The following ADH1B variants were observed in gnomAD, a reference collection of about 807,000 sequenced individuals.
ADH1B encodes alcohol dehydrogenase 1B (class I), beta polypeptide.
Under a neutral mutation model 34.6 loss-of-function variants are expected in ADH1B, and 29 were observed. The ratio of observed to expected loss-of-function variants is 0.84; its 90% CI spans 0.62 to 1.14. The LOEUF (loss-of-function observed/expected upper bound fraction) is 1.14, where lower values mean the gene tolerates loss of function less well. Among genes scored for constraint, ADH1B ranks in the 50% most tolerant of loss-of-function variants. ADH1B has a pLI of 0.00. For missense variants in ADH1B, 424 were observed against 468.4 expected, an observed-to-expected ratio of 0.91 and a Z score of 0.87; for synonymous variants, 170 against 175.5, an observed-to-expected ratio of 0.97 and a Z score of 0.25.
intron 1 of ADH1B, 163 bp from the exon 2 acceptor site, chr4:99,319,049 C>A (rs1733957884): frequency 2.4e-6 from 2 of 837,336 alleles, no homozygotes; most frequent in Admixed American, 1.8e-5. Flanking sequence ...ATAAAAGTAT[C>A]TTTTAAAAAG....
intron 5 of ADH1B, chr4:99,315,662 G>A: frequency 1.7e-6 from 1 of 588,402 alleles, no homozygotes; most frequent in Non-Finnish European, 3.0e-6. Context: ...CCCATAAACA[G>A]CAAATTCAGA....
At chr4:99,321,060 G>T in intron 1 of ADH1B, 1 of 592,958 alleles carries the variant, frequency 1.7e-6, no homozygotes, top group Non-Finnish European at 2.5e-6. Context: ...TCATTTTACT[G>T]TAAATTTATT....
intron 6 of ADH1B, chr4:99,313,601 T>C: frequency 1.3e-6 from 1 of 755,416 alleles, no homozygotes; most frequent in Non-Finnish European, 2.0e-6. Context: ...AACCCTTTTC[T>C]TTTCCTCTAG....
chr4:99,315,927 C>A lies in ADH1B; in HGVS notation c.538G>T (p.Gly180Cys). The change falls in exon 5 of 9, where the codon GGT (glycine) becomes TGT (cysteine). Residue 180 changes from glycine to cysteine, a missense_variant. Physicochemically the swap from Gly to Cys is radical, Grantham distance 159. This residue lies in a region of ADH1B where 291 missense variants were observed against 300.4 expected (regional missense o/e 0.97). Coordinates refer to ENST00000305046, the MANE Select transcript of ADH1B (RefSeq NM_000668.6). ...VCLIGCGFST[G>C]YGSAVNVAKV... ...GCAACGTTAACTGCAGACCCATAAC[C>A]AGTCGAGAATCCACAGCCAATGAGG... The A allele has an allele frequency of 6.2e-7, 1 of 1,614,194 alleles. No homozygotes were observed. The highest frequency in any genetic ancestry group is 8.5e-7 in the Non-Finnish European group (1 of 1,180,024).
intron 2 of ADH1B, 60 bp downstream of exon 2, chr4:99,318,725 T>G: frequency 6.6e-7 from 1 of 1,504,396 alleles, no homozygotes; most frequent in African/African-American, 1.4e-5. Context: ...ATGTTTCCAT[T>G]TTTAATGTTC....
chr4:99,309,154 G>A (rs1009322314), intron 8 of ADH1B, among the ~76,000 whole-genome samples: 1 of 151,452 alleles, frequency 6.6e-6, no homozygotes, highest in Non-Finnish European at 1.5e-5. Flanking sequence ...TCCTTGTGTT[G>A]AACTTTAGAA....
chr4:99,309,032 ATTC>A, intron 8 of ADH1B, among the ~76,000 whole-genome samples: 1 of 152,148 alleles, frequency 6.6e-6, no homozygotes, highest in South Asian at 2.1e-4. Context: ...TACAATTTAT[ATTC>A]TTCATTAAAT....
At position 99,316,099 on chromosome 4, in the gene ADH1B, C is replaced by A. The variant is rs144945289; in HGVS notation, c.366G>T (p.Gly122=). The change falls in exon 5 of 9, where the codon GGG becomes GGT. Residue 122 remains glycine, a synonymous_variant. Coordinates refer to ENST00000305046, the MANE Select transcript of ADH1B (RefSeq NM_000668.6). ...ACCTCCTGGTGCCATCCTGCAGGGT[C>A]CCCCGAGGATTGCCTAGACTGGGCA... ...CLKNDLGNPR[G]TLQDGTRRFT... is the part of the protein sequence containing the mutation. 142 of 1,614,018 alleles carry A rather than the reference C, an allele frequency of 8.8e-5. No individual in the cohort carries two copies. Among genetic ancestry groups the A allele is most frequent in the Middle Eastern group, 1.6e-4 (1 of 6,082 alleles).
At chr4:99,310,242 A>T (rs541824956) in intron 8 of ADH1B, 276 of 308,990 alleles carry the variant, frequency 8.9e-4, no homozygotes, top group Non-Finnish European at 1.4e-3. Flanking sequence ...GTGGTAAAAA[A>T]TTTTTTCTTA....
intron 8 of ADH1B, among the ~76,000 whole-genome samples, chr4:99,308,809 T>C (rs899555181): frequency 4.6e-5 from 7 of 152,076 alleles, no homozygotes; most frequent in Admixed American, 6.6e-5. Context: ...TCATTCTCAA[T>C]GTTTTCTTGA....
intron 5 of ADH1B, chr4:99,315,520 G>A (rs1733858920): frequency 3.2e-6 from 1 of 314,232 alleles, no homozygotes; most frequent in African/African-American, 2.2e-5. Flanking sequence ...TGGTCCTCAA[G>A]GGCAAACGCT....
intron 6 of ADH1B, among the ~76,000 whole-genome samples, chr4:99,312,188 G>T (rs557375230): frequency 1.3e-5 from 2 of 152,266 alleles, no homozygotes; most frequent in South Asian, 4.1e-4. Flanking sequence ...TTAGAAAATG[G>T]TTAAAGATCC....
Position 99,318,839 on chromosome 4 carries a change from A to G in ADH1B, c.66T>C (p.Phe22=), listed in dbSNP as rs1164118776. The G allele has an allele frequency of 1.2e-5, 20 of 1,613,974 alleles. No individual in the cohort carries two copies. Among genetic ancestry groups the G allele is most frequent in the Non-Finnish European group, 1.7e-5 (20 of 1,179,902 alleles). The change falls in exon 2 of 9, where the codon TTT becomes TTC. Residue 22 remains phenylalanine (F), a synonymous_variant. Transcript: ENST00000305046. ...AAVLWEVKKP[F]SIEDVEVAPP... ...GTGCAACCTCCACATCCTCAATGGA[A>G]AAGGGTTTCTTTACCTCCCATAGCA...
chr4:99,315,934 G>C lies in ADH1B; in HGVS notation c.531C>G (p.Phe177Leu). The change falls in exon 5 of 9, where the codon TTC (phenylalanine) becomes TTG (leucine). Residue 177 changes from phenylalanine to leucine, a missense_variant. This residue lies in a region of ADH1B where 291 missense variants were observed against 300.4 expected (regional missense o/e 0.97). Transcript: ENST00000305046. ...TAACTGCAGACCCATAACCAGTCGA[G>C]AATCCACAGCCAATGAGGCAGACTT... ...LEKVCLIGCGFSTGYGSAVNV... is the reference protein window; with the variant it reads ...LEKVCLIGCGLSTGYGSAVNV... 1.9e-6 allele frequency: 3 copies of C among 1,614,196 alleles called. No individual in the cohort carries two copies. Among genetic ancestry groups the C allele is most frequent in the Non-Finnish European group, 2.5e-6 (3 of 1,180,038 alleles).
In ADH1B at chr4:99,305,319, TTTG is replaced by T. The variant is rs1257538582; in HGVS notation, c.*2518_*2520del. The T allele has an allele frequency of 1.3e-5, 2 of 150,674 alleles. No homozygotes were observed. The highest frequency in any genetic ancestry group is 3.0e-5 in the Non-Finnish European group (2 of 67,764). The allele number at this position is 150,674 out of a possible 1,614,324, so 9.3% of individuals were successfully genotyped here. A position where few individuals can be genotyped will look rare whatever the true frequency, so the allele number is the denominator to read the frequency against. The stretch of plus-strand genomic sequence containing the variant: ...ATTGAAGTCACCCCCCCCCACTTTA[TTTG>T]TTTTCATATATCATGAGAAGTCAAA... On this transcript the variant is annotated 3_prime_UTR_variant, in exon 9 of 9. Coordinates refer to ENST00000305046, the MANE Select transcript of ADH1B (RefSeq NM_000668.6).
chr4:99,314,272 T>G (rs1015749828), intron 5 of ADH1B, 191 bp from the exon 6 acceptor site: 18 of 901,608 alleles, frequency 2.0e-5, no homozygotes, highest in Admixed American at 8.8e-5. Flanking sequence ...TGAGTGGTTT[T>G]CAAACTGATG....
At chr4:99,310,333 G>A (rs1243748863) in intron 8 of ADH1B, 2 of 459,234 alleles carry the variant, frequency 4.4e-6, no homozygotes, top group Admixed American at 4.7e-5. Flanking sequence ...ACCTACTCCT[G>A]TAATGAAAAT....
At chr4:99,314,157 C>A in intron 5 of ADH1B, 76 bp from the exon 6 acceptor site, 1 of 1,564,434 alleles carries the variant, frequency 6.4e-7, no homozygotes, top group Non-Finnish European at 8.7e-7. Context: ...AAGTGCCATG[C>A]GTAGGTGTTT....
In ADH1B at chr4:99,313,971, G is replaced by A. The variant is rs1366999775; in HGVS notation, c.678C>T (p.Asn226=). The change falls in exon 6 of 9, where the codon AAC becomes AAT. Residue 226 remains asparagine, a synonymous_variant. Transcript: ENST00000305046. ...GAARIIAVDI[N]KDKFAKAKEL... is the part of the protein sequence containing the mutation. ...CTTTGGCCTTTGCAAATTTGTCCTT[G>A]TTGATGTCCACCGCAATGATTCTGG... The A allele has an allele frequency of 6.2e-7, 1 of 1,614,164 alleles. No individual in the cohort carries two copies. Among genetic ancestry groups the A allele is most frequent in the Non-Finnish European group, 8.5e-7 (1 of 1,180,024 alleles).
Sources: allele counts gnomAD v4.1 joint callset (sites outside exome capture counted in the v4.1 genomes callset), GRCh38; gene constraint gnomAD v4.1.1; regional missense constraint gnomAD v4.1.1; transcripts MANE v1.5; gene names NCBI Gene and HGNC (gene_info 2026-07-23, HGNC 2026-07-21).